ELOVL7: variants seen among roughly 807,000 people sequenced by gnomAD.
The protein encoded by ELOVL7 is very long chain fatty acid elongase 7.
ELOVL7 carries 27 observed loss-of-function variants against 35.7 expected under a neutral mutation model. The ratio of observed to expected loss-of-function variants is 0.76; its 90% CI spans 0.56 to 1.04. The LOEUF (loss-of-function observed/expected upper bound fraction) is 1.04, where lower values mean the gene tolerates loss of function less well. Ranked by LOEUF, ELOVL7 falls within the 50% of genes least tolerant of loss-of-function variation. ELOVL7 has a pLI of 0.00. For missense variants in ELOVL7, 327 were observed against 340.8 expected, an observed-to-expected ratio of 0.96 and a Z score of 0.32; for synonymous variants, 113 against 114.6, an observed-to-expected ratio of 0.99 and a Z score of 0.09.
chr5:60,758,955 T>C (rs1741712935), intron 7 of ELOVL7, among the ~76,000 whole-genome samples: 1 of 152,210 alleles, frequency 6.6e-6, no homozygotes, highest in Admixed American at 6.5e-5. Flanking sequence ...TCATAAACAC[T>C]ATGAATTACA....
chr5:60,777,302 A>C (rs751774548), intron 3 of ELOVL7, among the ~76,000 whole-genome samples: 1 of 152,044 alleles, frequency 6.6e-6, no homozygotes, highest in Non-Finnish European at 1.5e-5. Flanking sequence ...ACATGATATA[A>C]TTATTACATA....
intron 1 of ELOVL7, among the ~76,000 whole-genome samples, chr5:60,799,557 C>T (rs79855925): frequency 0.034 from 5,117 of 152,054 alleles, 121 homozygotes; most frequent in Middle Eastern, 0.068. Context: ...AATGATACAC[C>T]GACATATCCC....
chr5:60,760,537 T>G (rs925040823), intron 7 of ELOVL7, among the ~76,000 whole-genome samples: 2 of 152,234 alleles, frequency 1.3e-5, no homozygotes, highest in African/African-American at 4.8e-5. Flanking sequence ...TTCTGGATAT[T>G]AGCCCTTTGT....
At chr5:60,786,416 T>G (rs1743589082) in intron 3 of ELOVL7, among the ~76,000 whole-genome samples, 1 of 152,222 alleles carries the variant, frequency 6.6e-6, no homozygotes, top group African/African-American at 2.4e-5. Context: ...AGATAACTGC[T>G]AAACCCCATG....
intron 1 of ELOVL7, among the ~76,000 whole-genome samples, chr5:60,809,593 G>A (rs192659978): frequency 2.0e-5 from 3 of 152,324 alleles, no homozygotes; most frequent in African/African-American, 7.2e-5. Context: ...AAAGAAGATA[G>A]TAGAGTGAAG....
intron 2 of ELOVL7, among the ~76,000 whole-genome samples, chr5:60,792,387 T>C (rs1743992250): frequency 6.6e-6 from 1 of 152,294 alleles, no homozygotes; most frequent in East Asian, 1.9e-4. Context: ...AGAATTTCCT[T>C]ATGAGCTGAG....
At chr5:60,773,111 A>G (rs974030026) in intron 3 of ELOVL7, among the ~76,000 whole-genome samples, 1 of 152,214 alleles carries the variant, frequency 6.6e-6, no homozygotes, top group Admixed American at 6.5e-5. Flanking sequence ...GATGAATAAA[A>G]AATTACAACT....
chr5:60,765,729 G>C (rs13186761), intron 6 of ELOVL7, among the ~76,000 whole-genome samples: 25,173 of 152,142 alleles, frequency 0.17, 2,228 homozygotes, highest in South Asian at 0.3. Context: ...CCACTGGATT[G>C]TATGTTCACA....
chr5:60,800,812 T>C (rs1342160612), intron 1 of ELOVL7, among the ~76,000 whole-genome samples: 2 of 152,250 alleles, frequency 1.3e-5, no homozygotes, highest in Non-Finnish European at 1.5e-5. Flanking sequence ...ATCCATGGAA[T>C]CAGAGGGCCA....
At chr5:60,775,930 G>C (rs1742876048) in intron 3 of ELOVL7, among the ~76,000 whole-genome samples, 1 of 152,046 alleles carries the variant, frequency 6.6e-6, no homozygotes, top group Non-Finnish European at 1.5e-5. Flanking sequence ...CTTGGCAAAG[G>C]CTTTATGACC....
intron 1 of ELOVL7, among the ~76,000 whole-genome samples, chr5:60,821,846 G>A (rs1037719238): frequency 2.6e-5 from 4 of 152,240 alleles, no homozygotes; most frequent in Admixed American, 6.5e-5. Flanking sequence ...CAGTTCAAGT[G>A]TTGCTGAATT....
chr5:60,790,507 T>G (rs576995808), intron 2 of ELOVL7, among the ~76,000 whole-genome samples: 67 of 152,272 alleles, frequency 4.4e-4, no homozygotes, highest in Non-Finnish European at 5.4e-4. Context: ...CTCCAGAGGA[T>G]TTCTCCAAGT....
At chr5:60,754,908 C>A (rs1741445265) in intron 8 of ELOVL7, 75 bp from the exon 9 acceptor site, 2 of 1,294,184 alleles carry the variant, frequency 1.5e-6, no homozygotes, top group Non-Finnish European at 1.1e-6. Flanking sequence ...TATGTTTATG[C>A]ACTCCCAAAG....
intron 1 of ELOVL7, among the ~76,000 whole-genome samples, chr5:60,811,478 G>A (rs1745234397): frequency 1.3e-5 from 2 of 152,178 alleles, no homozygotes; most frequent in South Asian, 4.1e-4. Flanking sequence ...CCTGAAAGGG[G>A]AAATGGAAAA....
At chr5:60,780,828 C>T (rs183978903) in intron 3 of ELOVL7, among the ~76,000 whole-genome samples, 9 of 152,228 alleles carry the variant, frequency 5.9e-5, no homozygotes, top group Non-Finnish European at 7.4e-5. Flanking sequence ...GTCCCTCCCA[C>T]GACATGTGGG....
chr5:60,819,783 C>T (rs1353119465), intron 1 of ELOVL7, among the ~76,000 whole-genome samples: 1 of 151,840 alleles, frequency 6.6e-6, no homozygotes, highest in Non-Finnish European at 1.5e-5. Flanking sequence ...GACTCTGTCT[C>T]GAGAGAAAAA....
chr5:60,789,225 T>C (rs1418623998), intron 2 of ELOVL7, among the ~76,000 whole-genome samples: 2 of 152,140 alleles, frequency 1.3e-5, no homozygotes, highest in East Asian at 3.8e-4. Flanking sequence ...ATATGTTCAA[T>C]TCATATCATA....
At chr5:60,757,759 A>G in intron 7 of ELOVL7, 114 bp from the exon 8 acceptor site, 2 of 851,196 alleles carry the variant, frequency 2.3e-6, no homozygotes, top group Non-Finnish European at 3.4e-6. Flanking sequence ...AAAAATATAT[A>G]AAATATCAAT....
At chr5:60,835,493 C>G (rs1746744088) in intron 1 of ELOVL7, among the ~76,000 whole-genome samples, 1 of 151,952 alleles carries the variant, frequency 6.6e-6, no homozygotes, top group Non-Finnish European at 1.5e-5. Flanking sequence ...CTCACTACAG[C>G]CTCGACCTCC....
Sources: allele counts gnomAD v4.1 joint callset (sites outside exome capture counted in the v4.1 genomes callset), GRCh38; gene constraint gnomAD v4.1.1; transcripts MANE v1.5; gene names NCBI Gene and HGNC (gene_info 2026-07-23, HGNC 2026-07-21).